Variants in ZNF444 observed in about 807,000 individuals in gnomAD.
ZNF444 encodes zinc finger protein 444, also known as endothelial zinc finger protein 2.
A neutral mutation model predicts 14.4 loss-of-function variants in ZNF444; 8 were observed. The observed-to-expected ratio is 0.56, with a 90% CI of 0.33 to 1.00. The LOEUF (loss-of-function observed/expected upper bound fraction) is 1.00, where lower values mean the gene tolerates loss of function less well. Among genes scored for constraint, ZNF444 ranks in the 50% least tolerant of loss-of-function variants. The pLI, the probability that ZNF444 is intolerant of heterozygous loss-of-function variation, is 0.03. For synonymous variants in ZNF444, 258 were observed against 235.9 expected (o/e 1.09, Z -0.86); for missense variants, 510 against 504.8 (o/e 1.01, Z -0.10).
chr19:56,157,248 C>T (rs2031968116), intron 3 of ZNF444: 1 of 152,412 alleles, frequency 6.6e-6, no homozygotes, highest in Non-Finnish European at 1.5e-5. Context: ...AGGATCTAGT[C>T]AGCGTTGTGC....
Position 56,144,888 on chromosome 19 carries a change from G to T in ZNF444, c.-196-1359G>T, listed in dbSNP as rs1461932358. On this transcript the variant is annotated intron_variant, in intron 1 of 4. Transcript: ENST00000337080. The surrounding 1 kb of genome is among the most constrained non-coding windows in gnomAD (Gnocchi z 4.0). ...CGCCTGAGCCCCATGGGGTCATCAGGGTCCCTTCTGTCTTGATCTTCCAGT... is the reference window on the plus strand; with the variant it reads ...CGCCTGAGCCCCATGGGGTCATCAGTGTCCCTTCTGTCTTGATCTTCCAGT... Among the ~76,000 whole-genome samples the T allele has an allele frequency of 1.3e-5, 2 of 152,238 alleles. No homozygotes were observed. The highest frequency in any genetic ancestry group is 2.9e-5 in the Non-Finnish European group (2 of 68,042).
chr19:56,138,531 G>T (rs1351191662), upstream of ZNF444, among the ~76,000 whole-genome samples: 1 of 152,232 alleles, frequency 6.6e-6, no homozygotes, highest in South Asian at 2.1e-4. Flanking sequence ...TACTCGGGAG[G>T]CCAATGTGGG....
At chr19:56,141,196 A>C (rs914325963), upstream of ZNF444, 1 of 139,740 alleles carries the variant, frequency 7.2e-6, no homozygotes, top group Non-Finnish European at 1.5e-5. Context: ...CCGGGGCTTC[A>C]TGGGGAGTTG....
rs1297604686 is a variant in ZNF444, at chr19:56,147,635, G to A, written c.297+427G>A. Among the ~76,000 whole-genome samples, 1 of 152,094 alleles carries A rather than the reference G, an allele frequency of 6.6e-6. No homozygotes were observed. On this transcript the variant is annotated intron_variant, in intron 3 of 4. Coordinates refer to ENST00000337080, the MANE Select transcript of ZNF444 (RefSeq NM_018337.4). This position sits in a 1 kb window ranked among gnomAD's most constrained non-coding sequence, Gnocchi z 5.9. ...CCGTGGTGTCCTGGGTTCTTACTGG[G>A]GACTCCTCCCCGTTCTGTGTGGCTG... is the stretch of plus-strand genomic sequence containing the variant.
At chr19:56,152,015 T>C in intron 3 of ZNF444, 1 of 423,904 alleles carries the variant, frequency 2.4e-6, no homozygotes, top group East Asian at 7.1e-5. Flanking sequence ...TAGAAAGCAG[T>C]AGAGCTCACC....
chr19:56,152,407 C>G (rs2123517521), intron 3 of ZNF444, among the ~76,000 whole-genome samples: 1 of 150,518 alleles, frequency 6.6e-6, no homozygotes, highest in African/African-American at 2.4e-5. Flanking sequence ...GTGATTCGGG[C>G]CTCAGCTTCA....
intron 4 of ZNF444, 111 bp downstream of exon 4, chr19:56,158,713 C>A: frequency 9.9e-7 from 1 of 1,009,420 alleles, no homozygotes; most frequent in Non-Finnish European, 1.4e-6. Context: ...TGGACCCCAG[C>A]CCTTGAGGAG....
intron 4 of ZNF444, 141 bp downstream of exon 4, chr19:56,158,743 G>C (rs777061812): frequency 3.1e-5 from 22 of 716,986 alleles, no homozygotes; most frequent in Middle Eastern, 4.0e-4. Flanking sequence ...TCGGACCCAA[G>C]GGGCGGGCAT....
intron 3 of ZNF444, among the ~76,000 whole-genome samples, chr19:56,153,159 A>AG (rs2031688550): frequency 6.6e-6 from 1 of 152,150 alleles, no homozygotes; most frequent in Admixed American, 6.5e-5. Context: ...GGGGGAGAAC[A>AG]GGGGACATTT....
rs187488877 is a variant in ZNF444, at chr19:56,152,152, C to G, written c.297+4944C>G. 4.1e-3 allele frequency among the ~76,000 whole-genome samples: 626 copies of G among 152,060 alleles called. 1 individual carries two copies. The highest frequency in any genetic ancestry group is 8.1e-3 in the South Asian group (39 of 4,808). ...TTCGAGACCAGCCTGGCCAACATGG[C>G]AAAACTGCGTCTCTACTAAAAATAC... On this transcript the variant is annotated intron_variant, in intron 3 of 4. Transcript: ENST00000337080.
chr19:56,134,339 C>G (rs995070450), intron 1 of ZNF444, among the ~76,000 whole-genome samples: 2 of 152,222 alleles, frequency 1.3e-5, no homozygotes, highest in African/African-American at 4.8e-5. Flanking sequence ...GCCTGGGAAG[C>G]AGGGTAAGAA....
intron 3 of ZNF444, chr19:56,157,929 T>G (rs2123557327): frequency 6.6e-6 from 1 of 152,222 alleles, no homozygotes; most frequent in Non-Finnish European, 1.5e-5. Flanking sequence ...GTCTTCCTGG[T>G]TGGTGCCGTC....
intron 3 of ZNF444, chr19:56,155,057 C>T (rs1320635310): frequency 1.3e-5 from 2 of 152,220 alleles, no homozygotes; most frequent in Non-Finnish European, 2.9e-5. Context: ...GATTCCTGAG[C>T]CCTCCAGGGA....
upstream of ZNF444, among the ~76,000 whole-genome samples, chr19:56,139,069 C>G (rs2030678311): frequency 6.6e-6 from 1 of 152,082 alleles, no homozygotes; most frequent in Non-Finnish European, 1.5e-5. Flanking sequence ...GCTGGGATTA[C>G]AGGCGTGAGC....
At chr19:56,157,123 A>T (rs992162536) in intron 3 of ZNF444, 1 of 152,460 alleles carries the variant, frequency 6.6e-6, no homozygotes, top group African/African-American at 2.4e-5. Context: ...AGGGCCAAGG[A>T]GCTGGAGGGT....
At chr19:56,158,628 C>A in intron 4 of ZNF444, 26 bp downstream of exon 4, 1 of 1,565,888 alleles carries the variant, frequency 6.4e-7, no homozygotes, top group South Asian at 1.2e-5. Context: ...CTCTGGTTCT[C>A]CCCGCCAGCC....
At chr19:56,139,180 TAAAA>T (rs970884157), upstream of ZNF444, among the ~76,000 whole-genome samples, 4 of 148,430 alleles carry the variant, frequency 2.7e-5, no homozygotes, top group East Asian at 7.8e-4. Flanking sequence ...TTACCACAAT[TAAAA>T]AAAAAAGATC....
At position 56,146,958 on chromosome 19, in the gene ZNF444, T is replaced by A; in HGVS notation, c.47T>A (p.Leu16Gln). 2 of 1,446,994 alleles carry A rather than the reference T, an allele frequency of 1.4e-6. No homozygotes were observed. The highest frequency in any genetic ancestry group is 1.8e-6 in the Non-Finnish European group (2 of 1,109,974). 89.6% of individuals were successfully genotyped at this position (1,446,994 alleles called of 1,614,324 possible). Residue 16 changes from leucine to glutamine, a missense_variant, in exon 3 of 5, where the codon CTG becomes CAG. Coordinates refer to ENST00000337080, the MANE Select transcript of ZNF444 (RefSeq NM_018337.4). ...AAGCAGGAGGCCGAGGGCCTGGCGC[T>A]GGACTCCCCGTGGCACCGCTTCCGC... ...PVKQEAEGLA[L>Q]DSPWHRFRRF...
chr19:56,142,911 A>G (rs1202773433), intron 1 of ZNF444, among the ~76,000 whole-genome samples: 1 of 152,116 alleles, frequency 6.6e-6, no homozygotes, highest in Non-Finnish European at 1.5e-5. Context: ...TCTGGGTCCC[A>G]TTTGTGGCTC....
Sources: gnomAD v4.1 joint callset for allele counts (sites outside exome capture counted in the v4.1 genomes callset) on GRCh38, gnomAD v4.1.1 for gene constraint, Gnocchi (gnomAD v3.1) non-coding constraint, MANE v1.5 for transcripts, NCBI Gene and HGNC (gene_info 2026-07-23, HGNC 2026-07-21) for gene names.